Variants in RASAL2 observed in about 807,000 individuals in gnomAD.
RASAL2 encodes the protein ras GTPase-activating protein nGAP.
RASAL2 carries 58 observed loss-of-function variants against 128.9 expected under a neutral mutation model. That is an observed-to-expected ratio of 0.45 (90% CI 0.36 to 0.56). The LOEUF is 0.56. Among genes scored for constraint, RASAL2 ranks in the 20% least tolerant of loss-of-function variants. The pLI, the probability that RASAL2 is intolerant of heterozygous loss-of-function variation, is 0.00. For synonymous variants in RASAL2, 561 were observed against 580.8 expected, an observed-to-expected ratio of 0.97 and a Z score of 0.49; for missense variants, 1,360 against 1,601.6, an observed-to-expected ratio of 0.85 and a Z score of 2.57.
chr1:178,440,306 A>C (rs1019457325), intron 6 of RASAL2, among the ~76,000 whole-genome samples: 4 of 152,042 alleles, frequency 2.6e-5, no homozygotes, highest in African/African-American at 9.7e-5. Flanking sequence ...TAGAAGTCAA[A>C]AGATGTTTGT....
intron 3 of RASAL2, among the ~76,000 whole-genome samples, chr1:178,313,667 T>A: frequency 6.6e-6 from 1 of 152,160 alleles, no homozygotes; most frequent in East Asian, 1.9e-4. Flanking sequence ...ATTAAGGGCA[T>A]TAATTCCTTA....
At chr1:178,237,416 G>A (rs375846228) in intron 1 of RASAL2, among the ~76,000 whole-genome samples, 2 of 152,276 alleles carry the variant, frequency 1.3e-5, no homozygotes, top group South Asian at 2.1e-4. Flanking sequence ...CCACAGGAGT[G>A]GGTGAAATCA....
At chr1:178,306,921 A>G (rs1668018560) in intron 3 of RASAL2, among the ~76,000 whole-genome samples, 1 of 150,926 alleles carries the variant, frequency 6.6e-6, no homozygotes, top group African/African-American at 2.4e-5. Flanking sequence ...GCTAGATGAT[A>G]AGTTAGTGGG....
rs553979410 is a variant in RASAL2 at position 178,475,971 on chromosome 1, G to T, written c.*2732G>T. On this transcript the variant is annotated 3_prime_UTR_variant, in exon 18 of 18. Transcript: ENST00000367649. ...TGCAATCTGTATAAGTTACTCTGAA[G>T]GATTTTTTAAGAAGAGAAGCCACCA... The T allele has an allele frequency of 6.6e-6, 1 of 152,282 alleles. No homozygotes were observed. The highest frequency in any genetic ancestry group is 1.9e-4 in the East Asian group (1 of 5,188). The allele number at this position is 152,282 out of a possible 1,614,324, so 9.4% of individuals were successfully genotyped here. A position where few individuals can be genotyped will look rare whatever the true frequency, so the allele number is the denominator to read the frequency against.
chr1:178,269,904 G>T (rs758975430), intron 1 of RASAL2, among the ~76,000 whole-genome samples: 2 of 152,142 alleles, frequency 1.3e-5, no homozygotes, highest in African/African-American at 2.4e-5. Flanking sequence ...TCTCTTGGGG[G>T]TCTGGATCGG....
In RASAL2 at chr1:178,465,951, G is replaced by T; in HGVS notation, c.3419G>T (p.Arg1140Leu). 1 of 1,554,634 alleles carries T rather than the reference G, an allele frequency of 6.4e-7. No homozygotes were observed. Among genetic ancestry groups the T allele is most frequent in the Non-Finnish European group, 8.7e-7 (1 of 1,148,418 alleles). ...YEQEITKLKE[R>L]LRVSSRRLEE... Reference sequence around the variant, plus strand: ...CAAGAAATTACTAAACTGAAGGAGCGCCTGAGAGTTTCCAGCCGGCGACTG... The same window carrying T: ...CAAGAAATTACTAAACTGAAGGAGCTCCTGAGAGTTTCCAGCCGGCGACTG... Residue 1140 changes from arginine to leucine, a missense_variant, in exon 16 of 18, where the codon CGC becomes CTC. Physicochemically the swap from Arg to Leu is moderately radical, Grantham distance 102. This residue lies in a region of RASAL2 where 741 missense variants were observed against 868.6 expected (regional missense o/e 0.85). Coordinates refer to ENST00000367649, the MANE Select transcript of RASAL2 (RefSeq NM_170692.4).
At chr1:178,457,005 C>A in intron 13 of RASAL2, 106 bp downstream of exon 13, 1 of 1,084,298 alleles carries the variant, frequency 9.2e-7, no homozygotes, top group Non-Finnish European at 1.3e-6. Context: ...AAATCATGAG[C>A]AACTGAAGAC....
At chr1:178,461,872 C>A (rs899227054) in intron 14 of RASAL2, among the ~76,000 whole-genome samples, 24 of 152,160 alleles carry the variant, frequency 1.6e-4, no homozygotes, top group African/African-American at 5.6e-4. Flanking sequence ...TAAATACTAG[C>A]AAGGAACGAG....
chr1:178,442,446 T>A (rs532691835), intron 7 of RASAL2, among the ~76,000 whole-genome samples: 4 of 152,138 alleles, frequency 2.6e-5, no homozygotes, highest in African/African-American at 9.6e-5. Context: ...GTAAATAAAA[T>A]AGAATGAACT....
intron 6 of RASAL2, among the ~76,000 whole-genome samples, chr1:178,439,980 T>TCCAA (rs1366543205): frequency 1.4e-5 from 2 of 147,774 alleles, no homozygotes; most frequent in Admixed American, 6.7e-5. Context: ...CATCCATCCA[T>TCCAA]CCATCCATCC....
intron 6 of RASAL2, 131 bp downstream of exon 6, chr1:178,439,706 T>A: frequency 1.3e-6 from 1 of 792,782 alleles, no homozygotes; most frequent in Non-Finnish European, 1.9e-6. Context: ...AGAAATTATC[T>A]ACTTACAGAG....
At chr1:178,281,112 CT>C (rs1239959908) in intron 1 of RASAL2, among the ~76,000 whole-genome samples, 1 of 151,996 alleles carries the variant, frequency 6.6e-6, no homozygotes, top group East Asian at 1.9e-4. Flanking sequence ...GAAACTATCA[CT>C]TTTTTTCTTG....
intron 5 of RASAL2, among the ~76,000 whole-genome samples, chr1:178,422,884 AG>A (rs1043038575): frequency 6.6e-6 from 1 of 151,958 alleles, no homozygotes; most frequent in African/African-American, 2.4e-5. Flanking sequence ...TTTGTTTTGG[AG>A]GGGGAAAAGT....
chr1:178,468,748 G>C (rs1647979284), intron 17 of RASAL2, among the ~76,000 whole-genome samples: 1 of 152,168 alleles, frequency 6.6e-6, no homozygotes, highest in Non-Finnish European at 1.5e-5. Context: ...GATGCCCCCA[G>C]GGTAGGTGAG....
intron 1 of RASAL2, among the ~76,000 whole-genome samples, chr1:178,129,443 T>G (rs900259033): frequency 6.6e-6 from 1 of 152,170 alleles, no homozygotes; most frequent in Non-Finnish European, 1.5e-5. Context: ...AATTGGGCTG[T>G]CTGTCTGCTT....
chr1:178,094,836 T>A (rs1286539653), intron 1 of RASAL2, 142 bp downstream of exon 1: 4 of 1,054,562 alleles, frequency 3.8e-6, no homozygotes, highest in African/African-American at 3.2e-5. Flanking sequence ...TGGGGGTGCA[T>A]TTCTGACAAG....
intron 1 of RASAL2, among the ~76,000 whole-genome samples, chr1:178,262,358 C>T (rs1665737285): frequency 6.6e-6 from 1 of 152,094 alleles, no homozygotes; most frequent in South Asian, 2.1e-4. Flanking sequence ...ACACAATGAA[C>T]GTCTTGTTTG....
chr1:178,180,242 A>G (rs909143386), intron 1 of RASAL2, among the ~76,000 whole-genome samples: 4 of 152,270 alleles, frequency 2.6e-5, no homozygotes, highest in Non-Finnish European at 4.4e-5. Flanking sequence ...CATAAGGCAT[A>G]TAGTCACAGT....
chr1:178,189,616 G>T (rs138622413), intron 1 of RASAL2, among the ~76,000 whole-genome samples: 7 of 152,022 alleles, frequency 4.6e-5, no homozygotes, highest in East Asian at 1.9e-4. Context: ...CAATGACCTC[G>T]CAGTCTCACT....
Sources: gnomAD v4.1 joint callset for allele counts (sites outside exome capture counted in the v4.1 genomes callset) on GRCh38, gnomAD v4.1.1 for gene constraint, gnomAD v4.1.1 regional missense constraint, MANE v1.5 for transcripts, NCBI Gene and HGNC (gene_info 2026-07-23, HGNC 2026-07-21) for gene names.